The following EML5 variants were observed in gnomAD, a reference collection of about 807,000 sequenced individuals.
EML5 encodes the protein echinoderm microtubule-associated protein-like 5.
A neutral mutation model predicts 250.0 loss-of-function variants in EML5; 120 were observed. The ratio of observed to expected loss-of-function variants is 0.48; its 90% confidence interval spans 0.41 to 0.56. EML5 has a LOEUF of 0.56. Among genes scored for constraint, EML5 ranks in the 20% least tolerant of loss-of-function variants. The probability of loss-of-function intolerance (pLI) is 0.00; values close to 1 mark genes in which losing one functional copy is unlikely to be tolerated. For synonymous variants in EML5, 771 were observed against 806.5 expected (o/e 0.96, Z 0.75); for missense variants, 2,006 against 2,437.6 (o/e 0.82, Z 3.73).
In EML5 at chr14:88,625,102, A is replaced by ATGGTACC. The variant is rs2089717541; in HGVS notation, c.4759_4765dup (p.Ile1589ArgfsTer6). ...TTTCCACACACAGACATCACCACTG[A>ATGGTACC]TGGTACCTGTAAACGTCAAGTTATT... On this transcript the variant is annotated frameshift_variant, in exon 36 of 44. Transcript: ENST00000554922. LOFTEE classifies it high-confidence loss of function. The ATGGTACC allele has an allele frequency of 3.1e-6, 5 of 1,613,878 alleles. No individual in the cohort carries two copies. The highest frequency in any genetic ancestry group is 1.3e-5 in the African/African-American group (1 of 75,048).
At chr14:88,671,581 G>T (rs544797330) in intron 21 of EML5, among the ~76,000 whole-genome samples, 2 of 152,200 alleles carry the variant, frequency 1.3e-5, no homozygotes, top group African/African-American at 4.8e-5. Context: ...TTGGCTAAAT[G>T]CCCCAAATTA....
chr14:88,632,302 T>C (rs924091311), intron 33 of EML5, among the ~76,000 whole-genome samples: 1 of 152,184 alleles, frequency 6.6e-6, no homozygotes, highest in African/African-American at 2.4e-5. Flanking sequence ...TGGACTACTA[T>C]AACGGCCACC....
At chr14:88,727,790 T>C (rs1056210510) in intron 7 of EML5, among the ~76,000 whole-genome samples, 2 of 152,184 alleles carry the variant, frequency 1.3e-5, no homozygotes, top group Admixed American at 1.3e-4. Flanking sequence ...AGTGTGTGTG[T>C]AGACACACAT....
chr14:88,664,864 G>A (rs1323842740), intron 22 of EML5, among the ~76,000 whole-genome samples: 2 of 152,090 alleles, frequency 1.3e-5, no homozygotes, highest in East Asian at 3.8e-4. Flanking sequence ...AGCTATGTAT[G>A]ATGTAGTTTT....
chr14:88,616,047 A>G, intron 43 of EML5, 95 bp downstream of exon 43: 1 of 1,367,952 alleles, frequency 7.3e-7, no homozygotes, highest in Admixed American at 1.8e-5. Context: ...AATGTTGACT[A>G]GCTGATTTCA....
Position 88,621,206 on chromosome 14 carries a change from C to G in EML5, c.5109G>C (p.Gly1703=). The G allele has an allele frequency of 6.2e-7, 1 of 1,613,916 alleles. No homozygotes were observed. The highest frequency in any genetic ancestry group is 8.5e-7 in the Non-Finnish European group (1 of 1,179,860). The stretch of plus-strand genomic sequence containing the variant: ...GATGTGTTGCTAGTCCCCAGATTGG[C>G]CCATCCACATGACCGTTAACTAAAA... ...CNILVNGHVD[G]PIWGLATHPS... is the part of the protein sequence containing the mutation. Residue 1703 remains glycine (G), a synonymous_variant, in exon 38 of 44, where the codon GGG becomes GGC. Coordinates refer to ENST00000554922, the MANE Select transcript of EML5 (RefSeq NM_183387.3).
At position 88,625,053 on chromosome 14, in the gene EML5, C is replaced by T; in HGVS notation, c.4815G>A (p.Val1605=). The stretch of plus-strand genomic sequence containing the variant: ...ACACAGGCCCGTTGTGAGCTCTCGC[C>T]ACGATTCTACACAATATGTGATCTT... The part of the protein sequence containing the change: ...VWKDHILCRI[V]ARAHNGPVFA... The change falls in exon 36 of 44, where the codon GTG becomes GTA. Residue 1605 remains valine (V), a synonymous_variant. Coordinates refer to ENST00000554922, the MANE Select transcript of EML5 (RefSeq NM_183387.3). The T allele has an allele frequency of 1.2e-6, 2 of 1,613,898 alleles. No homozygotes were observed. Among genetic ancestry groups the T allele is most frequent in the Non-Finnish European group, 1.7e-6 (2 of 1,179,816 alleles).
intron 7 of EML5, among the ~76,000 whole-genome samples, chr14:88,729,018 G>C (rs951573433): frequency 2.6e-5 from 4 of 151,986 alleles, no homozygotes; most frequent in African/African-American, 9.7e-5. Flanking sequence ...TTCATATCCA[G>C]AAAATTTGCT....
At chr14:88,764,210 T>G (rs1196105131) in intron 1 of EML5, among the ~76,000 whole-genome samples, 1 of 152,184 alleles carries the variant, frequency 6.6e-6, no homozygotes, top group African/African-American at 2.4e-5. Flanking sequence ...TGTAGTTTCC[T>G]TTTCTTCAAA....
chr14:88,741,035 T>C (rs755615701), intron 4 of EML5, among the ~76,000 whole-genome samples: 14 of 152,088 alleles, frequency 9.2e-5, no homozygotes, highest in Non-Finnish European at 1.6e-4. Flanking sequence ...TGGTGGCGCA[T>C]GCCTGTAATC....
chr14:88,705,989 A>G (rs2139768564), intron 11 of EML5: 1 of 520,262 alleles, frequency 1.9e-6, no homozygotes, highest in Non-Finnish European at 3.4e-6. Context: ...CTCAGAGGAT[A>G]TATTAAATGT....
At chr14:88,698,361 G>A (rs1299373794) in intron 14 of EML5, among the ~76,000 whole-genome samples, 1 of 149,792 alleles carries the variant, frequency 6.7e-6, no homozygotes, top group East Asian at 2.0e-4. Flanking sequence ...CGCCTCCCAG[G>A]CTCAAGTGAT....
intron 4 of EML5, among the ~76,000 whole-genome samples, chr14:88,742,325 T>C (rs1183176933): frequency 6.6e-6 from 1 of 152,126 alleles, no homozygotes; most frequent in South Asian, 2.1e-4. Context: ...GTACTGCTAG[T>C]GTGACTGAGG....
chr14:88,626,572 G>A (rs949889040), intron 35 of EML5: 10 of 406,408 alleles, frequency 2.5e-5, no homozygotes, highest in Admixed American at 3.7e-5. Flanking sequence ...AGCTATAATC[G>A]CACCATTGCA....
In EML5 at chr14:88,726,470, G is replaced by A; in HGVS notation, c.1187+71C>T. 4 of 1,337,278 alleles carry A rather than the reference G, an allele frequency of 3.0e-6. No homozygotes were observed. In the South Asian group the frequency reaches 7.0e-5, roughly 23 times the overall value. 82.8% of individuals were successfully genotyped at this position (1,337,278 alleles called of 1,614,324 possible). Reference sequence around the variant, plus strand: ...CAAGTATTATATATTCTGTATCGCTGAAGAGAAAATTACTTATATTCTGTA... The same window carrying A: ...CAAGTATTATATATTCTGTATCGCTAAAGAGAAAATTACTTATATTCTGTA... On this transcript the variant is annotated intron_variant, in intron 8 of 43. Transcript: ENST00000554922.
intron 4 of EML5, among the ~76,000 whole-genome samples, chr14:88,741,448 A>G (rs927341123): frequency 6.6e-6 from 1 of 152,218 alleles, no homozygotes; most frequent in Non-Finnish European, 1.5e-5. Context: ...TTGGGAGAAA[A>G]TAAGAAGTTA....
At chr14:88,687,773 A>C (rs569374267) in intron 18 of EML5, among the ~76,000 whole-genome samples, 14 of 151,768 alleles carry the variant, frequency 9.2e-5, no homozygotes, top group Non-Finnish European at 1.9e-4. Flanking sequence ...AACAAAAAAA[A>C]CACAAAACAA....
chr14:88,694,288 AAAAG>A lies in EML5; in HGVS notation c.2539+15_2539+18del, dbSNP rs1209048926. ...AATTTCTTAAAATTCTATGGAGTAA[AAAAG>A]AAGCACTTTCTTACCTGCTTTACGC... On this transcript the variant is annotated intron_variant, in intron 17 of 43. Transcript: ENST00000554922. 6.6e-7 allele frequency: 1 copy of A among 1,514,358 alleles called. No homozygotes were observed. The highest frequency in any genetic ancestry group is 2.0e-5 in the Admixed American group (1 of 50,158). 93.8% of individuals were successfully genotyped at this position (1,514,358 alleles called of 1,614,324 possible).
intron 36 of EML5, chr14:88,624,769 A>G (rs1264812778): frequency 1.7e-6 from 1 of 597,206 alleles, no homozygotes; most frequent in East Asian, 3.1e-5. Flanking sequence ...TATCACCCCA[A>G]CATGAAAAAA....
Sources: allele counts gnomAD v4.1 joint callset (sites outside exome capture counted in the v4.1 genomes callset), GRCh38; gene constraint gnomAD v4.1.1; transcripts MANE v1.5; gene names NCBI Gene and HGNC (gene_info 2026-07-23, HGNC 2026-07-21).